The following IZUMO2 variants were observed in gnomAD, a reference collection of about 807,000 sequenced individuals.
The protein encoded by IZUMO2 is IZUMO family member 2.
A neutral mutation model predicts 31.2 loss-of-function variants in IZUMO2; 24 were observed. The ratio of observed to expected loss-of-function variants is 0.77; its 90% CI spans 0.56 to 1.08. The LOEUF (loss-of-function observed/expected upper bound fraction) is 1.08. IZUMO2 is among the 50% of genes least tolerant of loss of function. The pLI, the probability that IZUMO2 is intolerant of heterozygous loss-of-function variation, is 0.00. For synonymous variants in IZUMO2, 144 were observed against 117.3 expected (o/e 1.23, Z -1.47); for missense variants, 278 against 274.0 (o/e 1.01, Z -0.10).
chr19:50,157,381 C>A (rs1369882341), intron 5 of IZUMO2, among the ~76,000 whole-genome samples: 1 of 149,960 alleles, frequency 6.7e-6, no homozygotes, highest in Non-Finnish European at 1.5e-5. Context: ...TGGCTCACTG[C>A]AGCCTCCACC....
At chr19:50,152,969 G>A (rs2030079608) in intron 6 of IZUMO2, among the ~76,000 whole-genome samples, 2 of 152,106 alleles carry the variant, frequency 1.3e-5, no homozygotes, top group South Asian at 4.2e-4. Context: ...CAGGTATAGT[G>A]GGTTACAGCG....
Position 50,152,659 on chromosome 19 carries a change from G to A in IZUMO2, c.624-8C>T, listed in dbSNP as rs1394407159. 8 of 1,610,750 alleles carry A rather than the reference G, an allele frequency of 5.0e-6. 1 individual carries two copies. Among genetic ancestry groups the A allele is most frequent in the Non-Finnish European group, 6.8e-6 (8 of 1,177,090 alleles). On this transcript the variant is annotated splice_polypyrimidine_tract_variant and splice_region_variant and intron_variant, in intron 6 of 6. Coordinates refer to ENST00000293405, the MANE Select transcript of IZUMO2 (RefSeq NM_152358.3). ...TGTCTGTATGTACAAGCCCTGGTCA[G>A]AGAGAAAAAGCCTGTAGATTAGAAT...
Position 50,163,178 on chromosome 19 carries a change from G to C in IZUMO2, c.17C>G (p.Thr6Ser). The C allele has an allele frequency of 6.4e-7, 1 of 1,552,206 alleles. No homozygotes were observed. The highest frequency in any genetic ancestry group is 2.0e-5 in the Admixed American group (1 of 50,438). Residue 6 changes from threonine to serine, a missense_variant, in exon 1 of 7, where the codon ACC becomes AGC. Coordinates refer to ENST00000293405, the MANE Select transcript of IZUMO2 (RefSeq NM_152358.3). MPLAL[T>S]LLLLSGLGAP... is the part of the protein sequence containing the mutation. ...GCCCAAGCCCGAGAGCAGCAGAAGG[G>C]TCAAAGCCAGAGGCATGGCGGGGCC... is the stretch of plus-strand genomic sequence containing the variant.
At chr19:50,154,301 G>A (rs80210022) in intron 6 of IZUMO2, among the ~76,000 whole-genome samples, 1 of 88,612 alleles carries the variant, frequency 1.1e-5, no homozygotes, top group Non-Finnish European at 2.1e-5. Context: ...TTTTTTTAAT[G>A]TAAGAAGAGG....
rs2030463115 is a variant in IZUMO2 at position 50,163,107 on chromosome 19, C to G, written c.88G>C (p.Glu30Gln). The G allele has an allele frequency of 3.7e-6, 6 of 1,610,032 alleles. No individual in the cohort carries two copies. The highest frequency in any genetic ancestry group is 1.1e-5 in the South Asian group (1 of 90,642). ...GCLQCDPLVL[E>Q]ALGHLRSALI... is the part of the protein sequence containing the mutation. ...GCGGAGCGCAGGTGACCCAGGGCCT[C>G]CAGCACCAAGGGGTCGCACTGCAGG... The change falls in exon 1 of 7, where the codon GAG (glutamate) becomes CAG (glutamine). Residue 30 changes from glutamate (E) to glutamine (Q), a missense_variant. Coordinates refer to ENST00000293405, the MANE Select transcript of IZUMO2 (RefSeq NM_152358.3).
At position 50,163,229 on chromosome 19, in the gene IZUMO2, G is replaced by C. The variant is rs1271548322; in HGVS notation, c.-35C>G. On this transcript the variant is annotated 5_prime_UTR_variant, in exon 1 of 7. Transcript: ENST00000293405. Reference sequence around the variant, plus strand: ...TTTGTGACGTCACAGAGAGAACCCGGCCCGCCCCGCCTCCCAGGCGAGGGC... The same window carrying C: ...TTTGTGACGTCACAGAGAGAACCCGCCCCGCCCCGCCTCCCAGGCGAGGGC... 1 of 1,495,794 alleles carries C rather than the reference G, an allele frequency of 6.7e-7. No individual in the cohort carries two copies. Among genetic ancestry groups the C allele is most frequent in the Non-Finnish European group, 9.1e-7 (1 of 1,104,710 alleles). 92.7% of individuals were successfully genotyped at this position (1,495,794 alleles called of 1,614,324 possible).
intron 3 of IZUMO2, 86 bp downstream of exon 3, chr19:50,159,408 A>G (rs2030322458): frequency 8.0e-7 from 1 of 1,253,876 alleles, no homozygotes; most frequent in Non-Finnish European, 1.2e-6. Flanking sequence ...GGAGGTGAAG[A>G]AGGAGTTTGG....
At chr19:50,154,862 T>G in intron 5 of IZUMO2, 136 bp from the exon 6 acceptor site, 1 of 892,716 alleles carries the variant, frequency 1.1e-6, no homozygotes, top group Non-Finnish European at 1.7e-6. Context: ...TTCCTGCTTG[T>G]TCCCTGCCCT....
chr19:50,156,235 A>G (rs2030208558), intron 5 of IZUMO2, among the ~76,000 whole-genome samples: 1 of 152,150 alleles, frequency 6.6e-6, no homozygotes, highest in Admixed American at 6.6e-5. Context: ...GTCTGGGGAC[A>G]TTTCTGATTG....
At chr19:50,154,228 T>C (rs934252303) in intron 6 of IZUMO2, among the ~76,000 whole-genome samples, 6 of 150,672 alleles carry the variant, frequency 4.0e-5, no homozygotes, top group Admixed American at 1.3e-4. Context: ...GATATTTGTC[T>C]TTCTACCAAT....
At chr19:50,162,519 G>A (rs1055734833) in intron 2 of IZUMO2, among the ~76,000 whole-genome samples, 1 of 152,128 alleles carries the variant, frequency 6.6e-6, no homozygotes, top group African/African-American at 2.4e-5. Context: ...GGAGGCTGAG[G>A]CGGCAGGATC....
At chr19:50,158,885 T>C (rs929736914) in intron 4 of IZUMO2, among the ~76,000 whole-genome samples, 3 of 152,178 alleles carry the variant, frequency 2.0e-5, no homozygotes, top group Admixed American at 1.3e-4. Context: ...CATGTGTGTA[T>C]AGCCTGGATC....
chr19:50,160,638 C>A (rs1441293560), intron 2 of IZUMO2: 1 of 151,962 alleles, frequency 6.6e-6, no homozygotes, highest in African/African-American at 2.4e-5. Context: ...CGCCACCACA[C>A]CTGGCTAATT....
chr19:50,154,436 G>A (rs2030142982), intron 6 of IZUMO2, among the ~76,000 whole-genome samples, 164 bp downstream of exon 6: 1 of 150,686 alleles, frequency 6.6e-6, no homozygotes, highest in Non-Finnish European at 1.5e-5. Flanking sequence ...GGGGGCGGGA[G>A]GGAGAAGAGG....
In IZUMO2 at chr19:50,158,368, GAAGT is replaced by G. The variant is rs1220725201; in HGVS notation, c.416-24_416-21del. The G allele has an allele frequency of 6.5e-7, 1 of 1,545,168 alleles. No individual in the cohort carries two copies. The highest frequency in any genetic ancestry group is 1.7e-5 in the Admixed American group (1 of 58,908). On this transcript the variant is annotated intron_variant, in intron 4 of 6. Transcript: ENST00000293405. ...GCAAGCCTAGGCAAGGGGAAAGGGA[GAAGT>G]AAGACAAGGGCAGATATCAGAGGAC...
chr19:50,157,302 CTTTTTT>C (rs59138628), intron 5 of IZUMO2, among the ~76,000 whole-genome samples: 1 of 108,798 alleles, frequency 9.2e-6, no homozygotes, highest in Non-Finnish European at 1.9e-5. Context: ...ATTCATTATA[CTTTTTT>C]TTTTTTTTTT....
rs1186179736 is a variant in IZUMO2 at position 50,154,659 on chromosome 19, C to CA, written c.563dup (p.Leu189ValfsTer46). ...GAGACACAGAAATGAGGATGCCCAA[C>CA]AGCGCCTGGTTCCTCGGGTATTTGC... On this transcript the variant is annotated frameshift_variant, in exon 6 of 7. Transcript: ENST00000293405. LOFTEE classifies it high-confidence loss of function. 1 of 1,614,066 alleles carries CA rather than the reference C, an allele frequency of 6.2e-7. No individual in the cohort carries two copies. Among genetic ancestry groups the CA allele is most frequent in the Admixed American group, 1.7e-5 (1 of 60,006 alleles).
chr19:50,161,060 G>A lies in IZUMO2; in HGVS notation c.308-1480C>T, dbSNP rs182646606. ...GTCTACTCCATCTTAGTAAATAGAT[G>A]TGTCATGATTCTAATTGCTCAATTC... On this transcript the variant is annotated intron_variant, in intron 2 of 6. Coordinates refer to ENST00000293405, the MANE Select transcript of IZUMO2 (RefSeq NM_152358.3). Among the ~76,000 whole-genome samples the A allele has an allele frequency of 3.6e-3, 544 of 151,856 alleles. 2 individuals carry two copies. Among genetic ancestry groups the A allele is most frequent in the Middle Eastern group, 6.9e-3 (2 of 290 alleles).
chr19:50,154,773 C>T (rs369626176), intron 5 of IZUMO2, 47 bp from the exon 6 acceptor site: 60 of 1,604,372 alleles, frequency 3.7e-5, no homozygotes, highest in African/African-American at 8.0e-5. Flanking sequence ...CACCACCCCT[C>T]CTTAGCCCCA....
Sources: allele counts gnomAD v4.1 joint callset (sites outside exome capture counted in the v4.1 genomes callset), GRCh38; gene constraint gnomAD v4.1.1; transcripts MANE v1.5; gene names NCBI Gene and HGNC (gene_info 2026-07-23, HGNC 2026-07-21).